GMDS: variants seen among roughly 807,000 people sequenced by gnomAD.
GMDS encodes GDP-mannose 4,6-dehydratase.
Under a neutral mutation model 49.9 loss-of-function variants are expected in GMDS, and 20 were observed. The observed-to-expected ratio is 0.40, with a 90% CI of 0.28 to 0.58. The LOEUF (loss-of-function observed/expected upper bound fraction) is 0.58. Among genes scored for constraint, GMDS ranks in the 20% least tolerant of loss-of-function variants. GMDS has a pLI of 0.42. For synonymous variants in GMDS, 177 were observed against 178.6 expected (o/e 0.99, Z 0.07); for missense variants, 362 against 481.4 (o/e 0.75, Z 2.32).
chr6:1,848,994 C>T (rs1241649302), intron 7 of GMDS, among the ~76,000 whole-genome samples: 2 of 152,162 alleles, frequency 1.3e-5, no homozygotes, highest in Non-Finnish European at 2.9e-5. Flanking sequence ...CACTAGATGA[C>T]AGTGGCAACT....
chr6:2,163,665 T>C (rs1033673551), intron 1 of GMDS, among the ~76,000 whole-genome samples: 1 of 152,194 alleles, frequency 6.6e-6, no homozygotes, highest in Non-Finnish European at 1.5e-5. Flanking sequence ...GAAGAGTTCT[T>C]ACTTGTTAAG....
At chr6:1,918,387 TA>T (rs1317901294) in intron 7 of GMDS, among the ~76,000 whole-genome samples, 5 of 152,208 alleles carry the variant, frequency 3.3e-5, no homozygotes, top group Admixed American at 6.5e-5. Context: ...TATTATTTTG[TA>T]AAACAGGGCC....
chr6:1,665,393 CT>C (rs1249803155), intron 9 of GMDS, among the ~76,000 whole-genome samples: 2 of 152,042 alleles, frequency 1.3e-5, no homozygotes, highest in Non-Finnish European at 2.9e-5. Flanking sequence ...ACCATGATTG[CT>C]TTAAAGAGAT....
In GMDS at chr6:1,835,835, G is replaced by A. The variant is rs140310795; in HGVS notation, c.772-93249C>T. Among the ~76,000 whole-genome samples, 708 of 152,036 alleles carry A rather than the reference G, an allele frequency of 4.7e-3. 4 individuals carry two copies. The highest frequency in any genetic ancestry group is 0.016 in the African/African-American group (669 of 41,550). ...AATTTAATGTTCATGGGAGTCATTAGACATTTTTTTCATTTGCTTTTTATT... is the reference window on the plus strand; with the variant it reads ...AATTTAATGTTCATGGGAGTCATTAAACATTTTTTTCATTTGCTTTTTATT... On this transcript the variant is annotated intron_variant, in intron 7 of 10. Transcript: ENST00000380815.
At chr6:1,953,415 A>T (rs1763463467) in intron 6 of GMDS, among the ~76,000 whole-genome samples, 2 of 152,228 alleles carry the variant, frequency 1.3e-5, no homozygotes, top group African/African-American at 2.4e-5. Flanking sequence ...TAATCATTAA[A>T]TTTTTTAACC....
chr6:1,704,452 A>G (rs1056314422), intron 9 of GMDS, among the ~76,000 whole-genome samples: 47 of 152,318 alleles, frequency 3.1e-4, no homozygotes, highest in African/African-American at 1.1e-3. Flanking sequence ...AAGGAAGGTC[A>G]GTACGGGAGT....
intron 7 of GMDS, among the ~76,000 whole-genome samples, chr6:1,922,005 A>G (rs1257705215): frequency 6.6e-6 from 1 of 152,242 alleles, no homozygotes; most frequent in East Asian, 1.9e-4. Context: ...TTTCCCTTCC[A>G]AGAAAGAACA....
In GMDS at chr6:1,775,633, T is replaced by C. The variant is rs551794821; in HGVS notation, c.772-33047A>G. ...TATATAGAGCGATTTGCAGCTGGCC[T>C]GATGCCCTGCTCCAGGGATCCAGGG... On this transcript the variant is annotated intron_variant, in intron 7 of 10. Coordinates refer to ENST00000380815, the MANE Select transcript of GMDS (RefSeq NM_001500.4). 1.6e-4 allele frequency among the ~76,000 whole-genome samples: 25 copies of C among 152,342 alleles called. No individual in the cohort carries two copies. The South Asian group carries it at 4.8e-3, about 29-fold the overall frequency.
At chr6:2,145,506 C>A (rs1776508826) in intron 1 of GMDS, among the ~76,000 whole-genome samples, 1 of 151,388 alleles carries the variant, frequency 6.6e-6, no homozygotes, top group African/African-American at 2.4e-5. Context: ...CCACTATACT[C>A]CAACCTGGGC....
chr6:1,636,230 C>T (rs1004250863), intron 9 of GMDS, among the ~76,000 whole-genome samples: 6 of 152,134 alleles, frequency 3.9e-5, no homozygotes, highest in African/African-American at 9.7e-5. Flanking sequence ...GAAAGAGGGA[C>T]AAGGGTGGCC....
chr6:2,131,325 T>C (rs1047167401), intron 1 of GMDS, among the ~76,000 whole-genome samples: 1 of 152,034 alleles, frequency 6.6e-6, no homozygotes, highest in African/African-American at 2.4e-5. Flanking sequence ...AGGAAGCAAC[T>C]GTTGGTAAGG....
At position 1,945,451 on chromosome 6, in the gene GMDS, T is replaced by A. The variant is rs146184079; in HGVS notation, c.643+14416A>T. On this transcript the variant is annotated intron_variant, in intron 6 of 10. Transcript: ENST00000380815. ...AGCATTTGGTCAGTACTAGATGAGA[T>A]GTTTTTAACACATACTGACAACAGA... Among the ~76,000 whole-genome samples the A allele has an allele frequency of 1.4e-3, 210 of 152,294 alleles. 1 individual carries two copies. The highest frequency in any genetic ancestry group is 4.9e-3 in the African/African-American group (203 of 41,550).
intron 4 of GMDS, among the ~76,000 whole-genome samples, chr6:2,013,957 T>C (rs1371702468): frequency 1.8e-5 from 2 of 113,278 alleles, no homozygotes; most frequent in Non-Finnish European, 3.8e-5. Flanking sequence ...TATATATATA[T>C]ATGCATATCA....
At chr6:1,771,124 G>T (rs1768562373) in intron 7 of GMDS, among the ~76,000 whole-genome samples, 1 of 152,208 alleles carries the variant, frequency 6.6e-6, no homozygotes, top group Non-Finnish European at 1.5e-5. Flanking sequence ...CCTCCCTGGT[G>T]TTAAAATATC....
In GMDS at chr6:1,640,210, A is replaced by C. The variant is rs995280966; in HGVS notation, c.988-15670T>G. 8.5e-5 allele frequency among the ~76,000 whole-genome samples: 13 copies of C among 152,242 alleles called. No homozygotes were observed. Among genetic ancestry groups the C allele is most frequent in the African/African-American group, 2.9e-4 (12 of 41,534 alleles). On this transcript the variant is annotated intron_variant, in intron 9 of 10. Transcript: ENST00000380815. This position sits in a 1 kb window ranked among gnomAD's most constrained non-coding sequence, Gnocchi z 4.0. ...CCCCACATCACTCTTCAGTTCTAGCAATCTGCTGCCCTCCTCATGCAGTTG... is the reference window on the plus strand; with the variant it reads ...CCCCACATCACTCTTCAGTTCTAGCCATCTGCTGCCCTCCTCATGCAGTTG...
At chr6:1,950,977 A>T (rs988873539) in intron 6 of GMDS, among the ~76,000 whole-genome samples, 1 of 152,140 alleles carries the variant, frequency 6.6e-6, no homozygotes, top group Non-Finnish European at 1.5e-5. Context: ...TACCTACCAG[A>T]CACCAATAGT....
At chr6:2,014,726 A>G (rs1767787655) in intron 4 of GMDS, among the ~76,000 whole-genome samples, 1 of 152,138 alleles carries the variant, frequency 6.6e-6, no homozygotes, top group Admixed American at 6.5e-5. Flanking sequence ...TACCATATCA[A>G]TAATTATTTG....
intron 7 of GMDS, among the ~76,000 whole-genome samples, chr6:1,905,766 C>A (rs1291724346): frequency 1.4e-5 from 2 of 140,868 alleles, no homozygotes; most frequent in Non-Finnish European, 3.1e-5. Context: ...GGTACCTGTG[C>A]ATCTGCATGT....
At chr6:2,002,406 C>T (rs987169161) in intron 4 of GMDS, among the ~76,000 whole-genome samples, 5 of 152,306 alleles carry the variant, frequency 3.3e-5, no homozygotes, top group African/African-American at 1.2e-4. Context: ...TGTAAACATA[C>T]TGTCAAAAAA....
Sources: allele counts gnomAD v4.1 joint callset (sites outside exome capture counted in the v4.1 genomes callset), GRCh38; gene constraint gnomAD v4.1.1; non-coding constraint Gnocchi (gnomAD v3.1); transcripts MANE v1.5; gene names NCBI Gene and HGNC (gene_info 2026-07-23, HGNC 2026-07-21).